Variants in TENM1 observed in about 807,000 individuals in gnomAD.
The protein encoded by TENM1 is teneurin transmembrane protein 1.
A neutral mutation model predicts 174.8 loss-of-function variants in TENM1; 35 were observed. The ratio of observed to expected loss-of-function variants is 0.20; its 90% CI spans 0.15 to 0.27. TENM1 has a LOEUF of 0.27. Among genes scored for constraint, TENM1 ranks in the 10% least tolerant of loss-of-function variants. The probability of loss-of-function intolerance (pLI) is 1.00; values close to 1 mark genes in which losing one functional copy is unlikely to be tolerated. For synonymous variants in TENM1, 781 were observed against 798.7 expected (o/e 0.98, Z 0.37); for missense variants, 1,633 against 2,130.1 (o/e 0.77, Z 4.59).
intron 3 of TENM1, among the ~76,000 whole-genome samples, chrX:124,791,572 G>A (rs189891744): frequency 2.7e-5 from 3 of 111,063 alleles, no homozygotes; most frequent in Non-Finnish European, 5.7e-5. Flanking sequence ...ACATACTCAC[G>A]CTCATGCTGT....
At position 124,481,713 on chromosome X, in the gene TENM1, T is replaced by TA. The variant is rs67614153; in HGVS notation, c.3949+18_3949+19insT. Reference sequence around the variant, plus strand: ...CCCAAGGGTATATATATATATATATTTATTTATTTATTTTTTACCTCGAGG... The same window carrying TA: ...CCCAAGGGTATATATATATATATATTATATTTATTTATTTTTTACCTCGAGG... On this transcript the variant is annotated intron_variant, in intron 22 of 31. Transcript: ENST00000422452. 44 of 204,772 alleles carry TA rather than the reference T, an allele frequency of 2.1e-4. No homozygotes were observed. Among genetic ancestry groups the TA allele is most frequent in the African/African-American group, 1.1e-3 (16 of 14,095 alleles). 16.9% of individuals were successfully genotyped at this position (204,772 alleles called of 1,213,427 possible). A position where few individuals can be genotyped will look rare whatever the true frequency, so the allele number is the denominator to read the frequency against.
intron 25 of TENM1, among the ~76,000 whole-genome samples, chrX:124,417,869 ACC>A (rs1395069585): frequency 9.0e-6 from 1 of 111,087 alleles, no homozygotes; most frequent in African/African-American, 3.3e-5. Flanking sequence ...GGTATCTCTG[ACC>A]CCTCTTTCTC....
At chrX:125,044,211 A>T in the TENM1 span, among the ~76,000 whole-genome samples, 1 of 98,056 alleles carries the variant, frequency 1.0e-5, no homozygotes, top group African/African-American at 4.1e-5. Context: ...ATAAAAAAAA[A>T]TAAAAAAAAA....
intron 27 of TENM1, among the ~76,000 whole-genome samples, chrX:124,403,327 T>G (rs2060420828): frequency 9.1e-6 from 1 of 109,347 alleles, no homozygotes; most frequent in Non-Finnish European, 1.9e-5. Context: ...AAGACCATCC[T>G]GGCGAACACG....
chrX:124,546,173 A>C (rs759061032), intron 15 of TENM1, among the ~76,000 whole-genome samples: 1 of 112,108 alleles, frequency 8.9e-6, no homozygotes, highest in South Asian at 3.7e-4. Flanking sequence ...TGTTTGCAAC[A>C]GTCTACAAAG....
intron 3 of TENM1, among the ~76,000 whole-genome samples, chrX:124,866,598 A>T (rs1364380902): frequency 3.6e-5 from 4 of 111,530 alleles, no homozygotes; most frequent in Non-Finnish European, 7.6e-5. Flanking sequence ...CATTTTAAGG[A>T]ATTAGAAAAG....
At chrX:124,714,390 A>G (rs2053131864) in intron 4 of TENM1, among the ~76,000 whole-genome samples, 1 of 112,357 alleles carries the variant, frequency 8.9e-6, no homozygotes, top group African/African-American at 3.2e-5. Context: ...TGCCTACAAT[A>G]TCACTCATAA....
At chrX:124,822,310 C>A (rs936353708) in intron 3 of TENM1, among the ~76,000 whole-genome samples, 2 of 112,414 alleles carry the variant, frequency 1.8e-5, no homozygotes, top group African/African-American at 6.5e-5. Context: ...AGTGTCTGCT[C>A]ACACCTCATG....
intron 6 of TENM1, among the ~76,000 whole-genome samples, chrX:124,654,567 A>G (rs2051391867): frequency 8.9e-6 from 1 of 111,812 alleles, no homozygotes; most frequent in Admixed American, 9.5e-5. Context: ...GCGCACATGG[A>G]AAGGATGGCT....
chrX:124,443,042 C>CTG lies in TENM1; in HGVS notation c.4104+10294_4104+10295insCA, dbSNP rs1288057201. Among the ~76,000 whole-genome samples, 60 of 42,161 alleles carry CTG rather than the reference C, an allele frequency of 1.4e-3. 2 individuals carry two copies. Among genetic ancestry groups the CTG allele is most frequent in the Middle Eastern group, 0.013 (1 of 77 alleles). The allele number at this position is 42,161 out of a possible 115,157, so 36.6% of individuals were successfully genotyped here. A position where few individuals can be genotyped will look rare whatever the true frequency, so the allele number is the denominator to read the frequency against. On this transcript the variant is annotated intron_variant, in intron 23 of 31. Transcript: ENST00000422452. ...GCTGTAACTTTTCATGCCTGGATGA[C>CTG]TATGTGTGTGTGTGTGTGTGTGTGT...
intron 11 of TENM1, among the ~76,000 whole-genome samples, chrX:124,585,968 C>T (rs1372670974): frequency 1.8e-5 from 2 of 109,949 alleles, no homozygotes; most frequent in Non-Finnish European, 1.9e-5. Context: ...ACACATACAC[C>T]CTCCCAAGAC....
intron 22 of TENM1, among the ~76,000 whole-genome samples, chrX:124,455,233 G>T (rs1231170436): frequency 8.9e-6 from 1 of 111,835 alleles, no homozygotes. Flanking sequence ...CCAAACAAGG[G>T]AATTCCATGT....
intron 3 of TENM1, among the ~76,000 whole-genome samples, chrX:124,774,322 A>G (rs1046253089): frequency 8.9e-5 from 10 of 111,984 alleles, no homozygotes; most frequent in Non-Finnish European, 1.5e-4. Context: ...TTGAATGTGT[A>G]TCTGAGGAAA....
chrX:124,995,785 T>C, the TENM1 span, among the ~76,000 whole-genome samples: 1 of 111,671 alleles, frequency 9.0e-6, no homozygotes, highest in African/African-American at 3.2e-5. Flanking sequence ...AAACATGTAG[T>C]GCTGTTATAA....
intron 11 of TENM1, among the ~76,000 whole-genome samples, chrX:124,593,746 C>G (rs1001309425): frequency 8.9e-6 from 1 of 112,122 alleles, no homozygotes; most frequent in Non-Finnish European, 1.9e-5. Flanking sequence ...CATACACAGA[C>G]CAGATGCAGG....
chrX:125,110,232 G>A, the TENM1 span, among the ~76,000 whole-genome samples: 5 of 111,249 alleles, frequency 4.5e-5, no homozygotes, highest in Admixed American at 9.6e-5. Flanking sequence ...CTTGCCAAAC[G>A]TAAAAAGGTC....
intron 23 of TENM1, among the ~76,000 whole-genome samples, chrX:124,434,332 T>G (rs2060811839): frequency 9.0e-6 from 1 of 111,277 alleles, no homozygotes; most frequent in African/African-American, 3.3e-5. Context: ...TCCTTGAAGC[T>G]CATTAAGAAA....
chrX:124,939,961 T>C (rs1433845601), intron 1 of TENM1, among the ~76,000 whole-genome samples: 2 of 112,051 alleles, frequency 1.8e-5, no homozygotes, highest in African/African-American at 6.5e-5. Flanking sequence ...CAATCTCTCC[T>C]TACTAGAGTA....
chrX:124,882,633 AT>A (rs1302492978), intron 3 of TENM1, among the ~76,000 whole-genome samples: 1 of 112,144 alleles, frequency 8.9e-6, no homozygotes, highest in African/African-American at 3.2e-5. Context: ...ATATGATGAC[AT>A]TTTTGTCTAT....
Sources: gnomAD v4.1 joint callset for allele counts (sites outside exome capture counted in the v4.1 genomes callset) on GRCh38, gnomAD v4.1.1 for gene constraint, MANE v1.5 for transcripts, NCBI Gene and HGNC (gene_info 2026-07-23, HGNC 2026-07-21) for gene names.